Variants in UNC80 observed in about 807,000 individuals in gnomAD.
The protein encoded by UNC80 is protein unc-80 homolog.
A neutral mutation model predicts 384.6 loss-of-function variants in UNC80; 164 were observed. The ratio of observed to expected loss-of-function variants is 0.43; its 90% CI spans 0.38 to 0.49. The LOEUF (loss-of-function observed/expected upper bound fraction) is 0.49, where lower values mean the gene tolerates loss of function less well. Ranked by LOEUF, UNC80 falls within the 20% of genes least tolerant of loss-of-function variation. The pLI is 0.00. For missense variants in UNC80, 3,330 were observed against 4,143.0 expected (o/e 0.80, Z 5.39); for synonymous variants, 1,486 against 1,527.8 (o/e 0.97, Z 0.64).
rs1300571292 is a variant in UNC80, at chr2:209,829,418, G to A, written c.2626+39G>A. ...CACCCAAGTTCTAGGAGAAGTCGTT[G>A]TGAGGTGAATCAGGTAGTGTTTCAA... On this transcript the variant is annotated intron_variant, in intron 15 of 64. Transcript: ENST00000673920. 9.0e-6 allele frequency: 14 copies of A among 1,549,356 alleles called. 1 individual carries two copies. The South Asian group carries it at 1.2e-4, about 13-fold the overall frequency.
chr2:209,968,907 G>A (rs1403088272), intron 52 of UNC80: 1 of 152,142 alleles, frequency 6.6e-6, no homozygotes, highest in Admixed American at 6.5e-5. Context: ...AATTCATTAG[G>A]TGATCTCAGT....
In UNC80 at chr2:209,959,166, C is replaced by G. The variant is rs1158873102; in HGVS notation, c.7586+12C>G. 4.5e-6 allele frequency: 7 copies of G among 1,551,940 alleles called. No individual in the cohort carries two copies. The highest frequency in any genetic ancestry group is 6.1e-6 in the Non-Finnish European group (7 of 1,146,886). ...CTGCACTTTATCAGGTACAGAAAGACTTGCTCTAATTTCATACCAGTTCTG... is the reference window on the plus strand; with the variant it reads ...CTGCACTTTATCAGGTACAGAAAGAGTTGCTCTAATTTCATACCAGTTCTG... On this transcript the variant is annotated intron_variant, in intron 50 of 64. Transcript: ENST00000673920.
At chr2:209,891,598 A>G (rs1438570696) in intron 26 of UNC80, among the ~76,000 whole-genome samples, 2 of 152,172 alleles carry the variant, frequency 1.3e-5, no homozygotes, top group East Asian at 3.8e-4. Flanking sequence ...TGATGTGATT[A>G]TTATTTATGT....
chr2:209,835,074 A>AT, intron 18 of UNC80, 64 bp downstream of exon 18: 2 of 1,307,476 alleles, frequency 1.5e-6, no homozygotes, highest in Non-Finnish European at 2.1e-6. Flanking sequence ...AAGAATTTCT[A>AT]TTTTCCAAAC....
chr2:209,926,351 T>G (rs569376220), intron 35 of UNC80, among the ~76,000 whole-genome samples: 4 of 152,248 alleles, frequency 2.6e-5, no homozygotes, highest in Admixed American at 2.0e-4. Flanking sequence ...AGTGGGCTGG[T>G]TTTTTTTATT....
intron 29 of UNC80, among the ~76,000 whole-genome samples, chr2:209,911,007 A>G (rs1176321708): frequency 6.6e-6 from 1 of 152,044 alleles, no homozygotes; most frequent in Non-Finnish European, 1.5e-5. Flanking sequence ...ATAAAGAAAT[A>G]CCCTAGACTG....
intron 59 of UNC80, among the ~76,000 whole-genome samples, chr2:209,979,936 G>A (rs2093118312): frequency 6.6e-6 from 1 of 152,188 alleles, no homozygotes; most frequent in Non-Finnish European, 1.5e-5. Context: ...GTGTTTTAAT[G>A]TCCTACAACA....
intron 59 of UNC80, among the ~76,000 whole-genome samples, chr2:209,981,940 T>C (rs1053655915): frequency 3.9e-5 from 6 of 152,240 alleles, no homozygotes; most frequent in Non-Finnish European, 8.8e-5. Context: ...AAAATTTACA[T>C]TTATTTCATG....
In UNC80 at chr2:209,788,033, T is replaced by A. The variant is rs376770040; in HGVS notation, c.725-1499T>A. 6.6e-4 allele frequency among the ~76,000 whole-genome samples: 101 copies of A among 152,276 alleles called. No homozygotes were observed. In the South Asian group the frequency reaches 0.02, roughly 30 times the overall value. On this transcript the variant is annotated intron_variant, in intron 5 of 64. Transcript: ENST00000673920. ...AGATGATCTTGATGCCGGGTAGGCC[T>A]AGGCTAATGTGTGTGTTTGTGTCTT... is the stretch of plus-strand genomic sequence containing the variant.
chr2:209,954,389 C>T, intron 48 of UNC80, 119 bp downstream of exon 48: 1 of 1,023,144 alleles, frequency 9.8e-7, no homozygotes, highest in Non-Finnish European at 1.3e-6. Flanking sequence ...TTACAGATAC[C>T]TCCTAAACTC....
In UNC80 at chr2:209,921,983, G is replaced by C. The variant is rs111751913; in HGVS notation, c.5531-269G>C. 2.8e-3 allele frequency among the ~76,000 whole-genome samples: 419 copies of C among 152,274 alleles called. 1 individual carries two copies. Among genetic ancestry groups the C allele is most frequent in the African/African-American group, 9.7e-3 (401 of 41,550 alleles). On this transcript the variant is annotated intron_variant, in intron 34 of 64. Transcript: ENST00000673920. ...TTAACTACTTTCAACCTTCACAAGT[G>C]CAGTTTGTCAGTTGGTATCAAAAAT... is the stretch of plus-strand genomic sequence containing the variant.
At chr2:209,832,716 G>T (rs1461202049) in intron 16 of UNC80, among the ~76,000 whole-genome samples, 1 of 152,062 alleles carries the variant, frequency 6.6e-6, no homozygotes, top group Non-Finnish European at 1.5e-5. Context: ...TAATTTAACA[G>T]GTTGGTTATA....
chr2:209,925,858 TA>T (rs140122232), intron 35 of UNC80, among the ~76,000 whole-genome samples: 10,838 of 152,188 alleles, frequency 0.071, 840 homozygotes, highest in African/African-American at 0.19. Flanking sequence ...ATAAGTCTCT[TA>T]ACCCTCTAGT....
intron 22 of UNC80, among the ~76,000 whole-genome samples, chr2:209,868,478 T>C (rs2084018341): frequency 6.6e-6 from 1 of 152,188 alleles, no homozygotes; most frequent in Non-Finnish European, 1.5e-5. Context: ...CAATTAACCA[T>C]CATATCTTGG....
intron 13 of UNC80, among the ~76,000 whole-genome samples, chr2:209,822,701 T>C (rs2080227312): frequency 6.6e-6 from 1 of 152,130 alleles, no homozygotes; most frequent in Non-Finnish European, 1.5e-5. Flanking sequence ...TGCTTTTCCT[T>C]TTTTAGCTTT....
At chr2:209,874,778 C>T (rs2084629687) in intron 23 of UNC80, among the ~76,000 whole-genome samples, 1 of 152,186 alleles carries the variant, frequency 6.6e-6, no homozygotes, top group Non-Finnish European at 1.5e-5. Flanking sequence ...GTTTTCAGAT[C>T]CCAGACCTAC....
At chr2:209,849,654 C>T in intron 22 of UNC80, 31 bp downstream of exon 22, 4 of 1,544,234 alleles carry the variant, frequency 2.6e-6, no homozygotes, top group Non-Finnish European at 3.5e-6. Flanking sequence ...TCCCACCCTG[C>T]CCCCCATCCC....
intron 43 of UNC80, among the ~76,000 whole-genome samples, 184 bp from the exon 44 acceptor site, chr2:209,941,037 A>G (rs1415521690): frequency 6.6e-6 from 1 of 152,196 alleles, no homozygotes; most frequent in African/African-American, 2.4e-5. Flanking sequence ...ATGAAAGTTC[A>G]TGGAGAAAAG....
chr2:209,780,113 T>C (rs941518438), intron 4 of UNC80, among the ~76,000 whole-genome samples: 1 of 152,238 alleles, frequency 6.6e-6, no homozygotes, highest in African/African-American at 2.4e-5. Flanking sequence ...GTTGGTATTT[T>C]ATTGCTGCTG....
Sources: gnomAD v4.1 joint callset for allele counts (sites outside exome capture counted in the v4.1 genomes callset) on GRCh38, gnomAD v4.1.1 for gene constraint, MANE v1.5 for transcripts, NCBI Gene and HGNC (gene_info 2026-07-23, HGNC 2026-07-21) for gene names.